The following ARPP21 variants were observed in gnomAD, a reference collection of about 807,000 sequenced individuals.
ARPP21 encodes the protein cAMP regulated phosphoprotein 21.
ARPP21 carries 69 observed loss-of-function variants against 113.2 expected under a neutral mutation model. That is an observed-to-expected ratio of 0.61 (90% CI 0.50 to 0.74). ARPP21 has a LOEUF of 0.74. Ranked by LOEUF, ARPP21 falls within the 30% of genes least tolerant of loss-of-function variation. The pLI, the probability that ARPP21 is intolerant of heterozygous loss-of-function variation, is 0.00. For synonymous variants in ARPP21, 368 were observed against 375.5 expected (o/e 0.98, Z 0.23); for missense variants, 1,070 against 1,037.4 (o/e 1.03, Z -0.43).
chr3:35,783,753 C>A (rs947317803), intron 19 of ARPP21, among the ~76,000 whole-genome samples: 1 of 152,176 alleles, frequency 6.6e-6, no homozygotes, highest in Non-Finnish European at 1.5e-5. Context: ...TTTCAAGACT[C>A]TAGGATTTGA....
chr3:35,662,641 T>C (rs941056719), intron 1 of ARPP21, among the ~76,000 whole-genome samples: 1 of 152,174 alleles, frequency 6.6e-6, no homozygotes, highest in Admixed American at 6.5e-5. Flanking sequence ...GGTTGAGATC[T>C]CAGGGCTTCT....
At chr3:35,754,595 C>T (rs1429016965) in intron 19 of ARPP21, among the ~76,000 whole-genome samples, 1 of 151,864 alleles carries the variant, frequency 6.6e-6, no homozygotes, top group Non-Finnish European at 1.5e-5. Flanking sequence ...AAGTATAACA[C>T]TGGGATTAAG....
chr3:35,742,934 G>A (rs1024835022), intron 18 of ARPP21, among the ~76,000 whole-genome samples: 3 of 152,134 alleles, frequency 2.0e-5, no homozygotes, highest in African/African-American at 7.2e-5. Flanking sequence ...ACTGAGGCAG[G>A]CAAAGAAGTC....
intron 6 of ARPP21, 76 bp from the exon 7 acceptor site, chr3:35,689,231 G>A: frequency 1.3e-6 from 1 of 770,226 alleles, no homozygotes; most frequent in Non-Finnish European, 2.4e-6. Flanking sequence ...GGGGAAACAG[G>A]ATAGGTTGGG....
At chr3:35,755,551 C>T (rs185552349) in intron 19 of ARPP21, among the ~76,000 whole-genome samples, 26 of 152,140 alleles carry the variant, frequency 1.7e-4, no homozygotes, top group African/African-American at 5.8e-4. Flanking sequence ...TAGGACACTT[C>T]ATTATTCCAG....
chr3:35,729,732 A>G (rs1444690944), intron 15 of ARPP21, among the ~76,000 whole-genome samples, 196 bp downstream of exon 15: 2 of 152,246 alleles, frequency 1.3e-5, no homozygotes, highest in Non-Finnish European at 2.9e-5. Flanking sequence ...ATATCTTCAT[A>G]TCAATATCTA....
At chr3:35,776,190 A>C (rs1462147562) in intron 19 of ARPP21, among the ~76,000 whole-genome samples, 1 of 152,220 alleles carries the variant, frequency 6.6e-6, no homozygotes. Context: ...ATTTTAAAGA[A>C]TATTAGAATA....
chr3:35,689,421 A>C, intron 7 of ARPP21, 36 bp downstream of exon 7: 1 of 986,400 alleles, frequency 1.0e-6, no homozygotes, highest in Middle Eastern at 2.1e-4. Context: ...TTTTAGAAGG[A>C]TCAAATAGAA....
chr3:35,663,650 A>G (rs772494890), intron 1 of ARPP21, among the ~76,000 whole-genome samples: 3 of 152,130 alleles, frequency 2.0e-5, no homozygotes, highest in Non-Finnish European at 4.4e-5. Flanking sequence ...CAATGTTTGA[A>G]GGTAGGAACA....
chr3:35,656,404 A>G (rs1426980196), intron 1 of ARPP21, among the ~76,000 whole-genome samples: 3 of 152,118 alleles, frequency 2.0e-5, no homozygotes, highest in African/African-American at 7.2e-5. Context: ...AATTGCCCCA[A>G]ATTAGGAACA....
chr3:35,642,033 T>C (rs1698257311), intron 1 of ARPP21: 1 of 152,216 alleles, frequency 6.6e-6, no homozygotes, highest in Non-Finnish European at 1.5e-5. Context: ...CAGAGTACTT[T>C]GTTTAGAGGA....
intron 1 of ARPP21, among the ~76,000 whole-genome samples, chr3:35,655,627 C>G (rs756863476): frequency 1.3e-5 from 2 of 151,930 alleles, no homozygotes; most frequent in East Asian, 1.9e-4. Context: ...CTTTTAAATG[C>G]CAATTGGTGA....
intron 14 of ARPP21, among the ~76,000 whole-genome samples, chr3:35,727,812 G>C (rs1276040480): frequency 6.6e-6 from 1 of 152,120 alleles, no homozygotes; most frequent in Non-Finnish European, 1.5e-5. Flanking sequence ...AAGAGCTGTG[G>C]TTAAGGGTAC....
chr3:35,657,164 C>T (rs745409298), intron 1 of ARPP21, among the ~76,000 whole-genome samples: 22 of 152,030 alleles, frequency 1.4e-4, no homozygotes, highest in South Asian at 2.1e-4. Flanking sequence ...TTCATGGACA[C>T]GTTTATTCCT....
chr3:35,659,647 G>A (rs777908117), intron 1 of ARPP21, among the ~76,000 whole-genome samples: 1 of 152,112 alleles, frequency 6.6e-6, no homozygotes, highest in East Asian at 1.9e-4. Context: ...ACACAGAGGA[G>A]GAACAGATCA....
At position 35,682,852 on chromosome 3, in the gene ARPP21, G is replaced by A. The variant is rs77957430; in HGVS notation, c.134G>A (p.Arg45Gln). The change falls in exon 4 of 21, where the codon CGG becomes CAG. Residue 45 changes from arginine (R) to glutamine (Q), a missense_variant. Physicochemically the swap from Arg to Gln is conservative, Grantham distance 43 (BLOSUM62 1). Transcript: ENST00000684406. ...DEEEKLELQR[R>Q]LEAQNQERRK... The stretch of plus-strand genomic sequence containing the variant: ...TATTTTCTTTCCAACATACAGAGGC[G>A]GCTGGAGGCTCAGAATCAAGAAAGA... The A allele has an allele frequency of 7.5e-5, 121 of 1,607,514 alleles. 1 individual carries two copies. Among genetic ancestry groups the A allele is most frequent in the South Asian group, 2.2e-4 (20 of 90,346 alleles).
At chr3:35,733,656 T>C (rs1279247689) in intron 15 of ARPP21, among the ~76,000 whole-genome samples, 4 of 152,234 alleles carry the variant, frequency 2.6e-5, no homozygotes, top group Non-Finnish European at 4.4e-5. Flanking sequence ...ATTGCCTGAA[T>C]TGAAAACCAA....
At chr3:35,710,837 G>T (rs1028220367) in intron 11 of ARPP21, among the ~76,000 whole-genome samples, 1 of 151,982 alleles carries the variant, frequency 6.6e-6, no homozygotes, top group African/African-American at 2.4e-5. Flanking sequence ...TGGGAGACAG[G>T]GTCTGCATGA....
intron 1 of ARPP21, among the ~76,000 whole-genome samples, chr3:35,666,424 T>C (rs2074379781): frequency 6.6e-6 from 1 of 152,214 alleles, no homozygotes; most frequent in South Asian, 2.1e-4. Flanking sequence ...GTTTTGATTT[T>C]GACATTTATT....
Sources: allele counts gnomAD v4.1 joint callset (sites outside exome capture counted in the v4.1 genomes callset), GRCh38; gene constraint gnomAD v4.1.1; transcripts MANE v1.5; gene names NCBI Gene and HGNC (gene_info 2026-07-23, HGNC 2026-07-21).